SCFD2: variants seen among roughly 807,000 people sequenced by gnomAD.
The protein encoded by SCFD2 is sec1 family domain-containing protein 2.
A neutral mutation model predicts 58.9 loss-of-function variants in SCFD2; 54 were observed. The ratio of observed to expected loss-of-function variants is 0.92; its 90% CI spans 0.74 to 1.15. The LOEUF (loss-of-function observed/expected upper bound fraction) is 1.15, where lower values mean the gene tolerates loss of function less well. Ranked by LOEUF, SCFD2 falls within the 50% of genes most tolerant of loss-of-function variation. The probability of loss-of-function intolerance (pLI) is 0.00; values close to 1 mark genes in which losing one functional copy is unlikely to be tolerated. For missense variants in SCFD2, 805 were observed against 836.6 expected (o/e 0.96, Z 0.47); for synonymous variants, 321 against 335.9 (o/e 0.96, Z 0.49).
At chr4:53,120,135 G>T (rs1000731329) in intron 5 of SCFD2, among the ~76,000 whole-genome samples, 2 of 152,154 alleles carry the variant, frequency 1.3e-5, no homozygotes, top group Non-Finnish European at 2.9e-5. Flanking sequence ...AAACGCATTT[G>T]ACGAAAACTA....
At chr4:53,350,799 T>C (rs971489070) in intron 2 of SCFD2, among the ~76,000 whole-genome samples, 3 of 152,176 alleles carry the variant, frequency 2.0e-5, no homozygotes, top group Non-Finnish European at 4.4e-5. Flanking sequence ...AACCTCCTCC[T>C]CCCAGGTTCA....
chr4:53,084,695 T>G (rs903676653), intron 5 of SCFD2, among the ~76,000 whole-genome samples: 6 of 152,194 alleles, frequency 3.9e-5, no homozygotes, highest in African/African-American at 1.4e-4. Flanking sequence ...CAACACATCA[T>G]GATCAAATGG....
At chr4:53,262,999 GT>G (rs1173328131) in intron 4 of SCFD2, among the ~76,000 whole-genome samples, 1 of 151,892 alleles carries the variant, frequency 6.6e-6, no homozygotes, top group East Asian at 1.9e-4. Flanking sequence ...CGAAAGCCTT[GT>G]CCTTGAGCTC....
intron 6 of SCFD2, 76 bp from the exon 7 acceptor site, chr4:52,907,667 G>C (rs1292642338): frequency 4.7e-5 from 67 of 1,429,220 alleles, no homozygotes; most frequent in Non-Finnish European, 5.9e-5. Flanking sequence ...CTGCAATGAA[G>C]AAAGCAAAGC....
chr4:53,185,948 A>G (rs542492173), intron 4 of SCFD2, among the ~76,000 whole-genome samples: 1 of 152,252 alleles, frequency 6.6e-6, no homozygotes, highest in Non-Finnish European at 1.5e-5. Context: ...CTACTAACAC[A>G]AAAAAATCAA....
intron 5 of SCFD2, among the ~76,000 whole-genome samples, chr4:53,032,471 C>A (rs1348253011): frequency 6.6e-6 from 1 of 151,970 alleles, no homozygotes; most frequent in African/African-American, 2.4e-5. Flanking sequence ...GGCTAAATGC[C>A]CCCAATTAAA....
At chr4:53,043,956 C>T (rs1012673969) in intron 5 of SCFD2, among the ~76,000 whole-genome samples, 9 of 152,224 alleles carry the variant, frequency 5.9e-5, no homozygotes, top group East Asian at 5.8e-4. Flanking sequence ...TAATGTTAGA[C>T]GCTGTGGTAG....
intron 3 of SCFD2, among the ~76,000 whole-genome samples, chr4:53,300,162 TAA>T (rs1732223368): frequency 1.3e-5 from 2 of 152,032 alleles, no homozygotes; most frequent in Admixed American, 6.6e-5. Flanking sequence ...GCAAATTGGA[TAA>T]AGAGTCAAGA....
chr4:53,259,539 G>T (rs180991308), intron 4 of SCFD2, among the ~76,000 whole-genome samples: 10 of 152,186 alleles, frequency 6.6e-5, no homozygotes, highest in Non-Finnish European at 1.0e-4. Flanking sequence ...TAAGTATTTG[G>T]CCTTATTTCT....
chr4:52,930,309 C>A (rs1208939363), intron 5 of SCFD2, among the ~76,000 whole-genome samples: 1 of 152,060 alleles, frequency 6.6e-6, no homozygotes, highest in African/African-American at 2.4e-5. Flanking sequence ...TAGCCATATG[C>A]AGAAAATTGA....
At chr4:52,963,368 A>G (rs545770192) in intron 5 of SCFD2, among the ~76,000 whole-genome samples, 15 of 152,332 alleles carry the variant, frequency 9.8e-5, no homozygotes, top group African/African-American at 1.9e-4. Context: ...TGCTTTAAAA[A>G]TGTTCACATA....
At chr4:53,015,868 G>A (rs1245918995) in intron 5 of SCFD2, among the ~76,000 whole-genome samples, 2 of 152,126 alleles carry the variant, frequency 1.3e-5, no homozygotes, top group Admixed American at 6.6e-5. Context: ...TCTCTATGAG[G>A]GGCTTTCAAA....
chr4:52,925,532 T>C, intron 5 of SCFD2, among the ~76,000 whole-genome samples: 1 of 151,896 alleles, frequency 6.6e-6, no homozygotes, highest in African/African-American at 2.4e-5. Context: ...TTTTTGGCCA[T>C]ACAAGGTGTG....
chr4:53,238,187 C>T (rs1437400709), intron 4 of SCFD2, among the ~76,000 whole-genome samples: 3 of 143,184 alleles, frequency 2.1e-5, no homozygotes, highest in Non-Finnish European at 4.7e-5. Flanking sequence ...GGGCTGACCC[C>T]CCCACCTCCC....
At chr4:53,235,705 G>C (rs1166820423) in intron 4 of SCFD2, among the ~76,000 whole-genome samples, 1 of 152,162 alleles carries the variant, frequency 6.6e-6, no homozygotes, top group Admixed American at 6.5e-5. Context: ...CATTTGTCAA[G>C]ATCAAAGTTA....
At chr4:53,049,437 A>T (rs982786845) in intron 5 of SCFD2, among the ~76,000 whole-genome samples, 5 of 152,212 alleles carry the variant, frequency 3.3e-5, no homozygotes. Flanking sequence ...CACTCTTCAT[A>T]ACCTATATTA....
At chr4:52,891,837 A>ACG (rs199849042) in intron 7 of SCFD2, among the ~76,000 whole-genome samples, 1 of 152,130 alleles carries the variant, frequency 6.6e-6, no homozygotes, top group Non-Finnish European at 1.5e-5. Context: ...TTTTCCTGAA[A>ACG]TGTCCCCCCT....
intron 4 of SCFD2, among the ~76,000 whole-genome samples, chr4:53,177,819 C>T (rs1402148616): frequency 6.6e-6 from 1 of 152,216 alleles, no homozygotes; most frequent in South Asian, 2.1e-4. Context: ...CTGCACTTTT[C>T]TGATGGGCTT....
At chr4:53,362,799 AT>A (rs2149175178) in intron 1 of SCFD2, among the ~76,000 whole-genome samples, 1 of 152,304 alleles carries the variant, frequency 6.6e-6, no homozygotes, top group African/African-American at 2.4e-5. Flanking sequence ...GGGAGAGGGT[AT>A]TTGAAAAACA....
Sources: gnomAD v4.1 joint callset for allele counts (sites outside exome capture counted in the v4.1 genomes callset) on GRCh38, gnomAD v4.1.1 for gene constraint, MANE v1.5 for transcripts, NCBI Gene and HGNC (gene_info 2026-07-23, HGNC 2026-07-21) for gene names.